Variants in BICD1 observed in about 807,000 individuals in gnomAD.
BICD1 encodes BICD cargo adaptor 1.
A neutral mutation model predicts 92.5 loss-of-function variants in BICD1; 35 were observed. The observed-to-expected ratio is 0.38, with a 90% CI of 0.29 to 0.50. The LOEUF is 0.50. Among genes scored for constraint, BICD1 ranks in the 20% least tolerant of loss-of-function variants. BICD1 has a pLI of 0.93. For missense variants in BICD1, 950 were observed against 1,189.8 expected (o/e 0.80, Z 2.97); for synonymous variants, 429 against 465.1 (o/e 0.92, Z 1.00).
chr12:32,226,670 T>G (rs1945706030), intron 2 of BICD1, among the ~76,000 whole-genome samples: 1 of 152,128 alleles, frequency 6.6e-6, no homozygotes, highest in African/African-American at 2.4e-5. Context: ...TCAGCGACCC[T>G]TCTCCCAGCC....
intron 2 of BICD1, among the ~76,000 whole-genome samples, chr12:32,261,628 A>C (rs967767750): frequency 1.3e-5 from 2 of 152,258 alleles, no homozygotes; most frequent in African/African-American, 4.8e-5. Flanking sequence ...TTTGAGGACC[A>C]GTGCCATTTT....
chr12:32,341,549 C>T (rs1938368078), intron 8 of BICD1, among the ~76,000 whole-genome samples: 1 of 151,324 alleles, frequency 6.6e-6, no homozygotes, highest in Admixed American at 6.6e-5. Context: ...GACAGCTTAA[C>T]ATATTGATAA....
At chr12:32,296,221 C>T (rs1375615970) in intron 3 of BICD1, among the ~76,000 whole-genome samples, 3 of 148,622 alleles carry the variant, frequency 2.0e-5, no homozygotes, top group East Asian at 4.0e-4. Flanking sequence ...AGATGCTTCT[C>T]GAATACTTTT....
intron 6 of BICD1, among the ~76,000 whole-genome samples, chr12:32,335,905 T>C (rs1938099745): frequency 1.3e-5 from 2 of 152,158 alleles, no homozygotes; most frequent in South Asian, 4.1e-4. Flanking sequence ...ATTGTGTATC[T>C]TGTATGATGC....
intron 2 of BICD1, among the ~76,000 whole-genome samples, chr12:32,236,979 A>G (rs2136072385): frequency 7.1e-6 from 1 of 140,934 alleles, no homozygotes; most frequent in Admixed American, 7.9e-5. Flanking sequence ...GGTTCACGCC[A>G]TTCTCCTGCC....
chr12:32,311,005 G>GA (rs539780120), intron 4 of BICD1, among the ~76,000 whole-genome samples: 218 of 150,066 alleles, frequency 1.5e-3, no homozygotes, highest in African/African-American at 1.9e-3. Flanking sequence ...CTGGTTCCAG[G>GA]AAAAAAAAAT....
At chr12:32,232,284 C>T (rs534718782) in intron 2 of BICD1, among the ~76,000 whole-genome samples, 25 of 150,056 alleles carry the variant, frequency 1.7e-4, no homozygotes, top group African/African-American at 4.1e-4. Flanking sequence ...GCCATTCTAA[C>T]TGGTGTGAGA....
intron 2 of BICD1, among the ~76,000 whole-genome samples, chr12:32,291,453 C>T (rs1473714870): frequency 6.6e-6 from 1 of 151,936 alleles, no homozygotes; most frequent in Non-Finnish European, 1.5e-5. Flanking sequence ...GGGAGGATCA[C>T]TTAAGCCTGG....
At position 32,223,520 on chromosome 12, in the gene BICD1, A is replaced by T. The variant is rs1204984852; in HGVS notation, c.426+7061A>T. On this transcript the variant is annotated intron_variant, in intron 2 of 9. Coordinates refer to ENST00000652176, the MANE Select transcript of BICD1 (RefSeq NM_001714.4). ...TAACAGAAAGAGACTTTGTCTCAAA[A>T]AAAAAAAAAAAAAAAAGAATCAAAG... 3.0e-3 allele frequency among the ~76,000 whole-genome samples: 444 copies of T among 148,822 alleles called. 1 individual carries two copies. Among genetic ancestry groups the T allele is most frequent in the Middle Eastern group, 7.0e-3 (2 of 284 alleles).
intron 2 of BICD1, among the ~76,000 whole-genome samples, chr12:32,276,545 G>A (rs1016041704): frequency 6.6e-6 from 1 of 152,168 alleles, no homozygotes; most frequent in Admixed American, 6.5e-5. Flanking sequence ...AGAGCACAGC[G>A]GGAGGGACAA....
chr12:32,330,336 ACAC>A (rs1168495877), intron 5 of BICD1, among the ~76,000 whole-genome samples: 1 of 150,600 alleles, frequency 6.6e-6, no homozygotes, highest in African/African-American at 2.4e-5. Context: ...AAAAAACCGA[ACAC>A]CACAAGTTCT....
At chr12:32,301,857 G>T (rs1343570170) in intron 3 of BICD1, among the ~76,000 whole-genome samples, 1 of 152,112 alleles carries the variant, frequency 6.6e-6, no homozygotes, top group Non-Finnish European at 1.5e-5. Flanking sequence ...CTGTGAAGGT[G>T]GGCCCAGTGT....
At chr12:32,156,390 A>G (rs979591158) in intron 1 of BICD1, among the ~76,000 whole-genome samples, 1 of 152,024 alleles carries the variant, frequency 6.6e-6, no homozygotes, top group Non-Finnish European at 1.5e-5. Flanking sequence ...GCTCAATTCC[A>G]GCTCCCGGGA....
At chr12:32,156,305 C>T (rs1943436229) in intron 1 of BICD1, among the ~76,000 whole-genome samples, 1 of 152,194 alleles carries the variant, frequency 6.6e-6, no homozygotes, top group Non-Finnish European at 1.5e-5. Context: ...AAACATACCT[C>T]TGTGTGTGAG....
At chr12:32,202,410 GT>G (rs1257220806) in intron 1 of BICD1, among the ~76,000 whole-genome samples, 2 of 152,026 alleles carry the variant, frequency 1.3e-5, no homozygotes, top group African/African-American at 4.8e-5. Context: ...GCTTTTTGGT[GT>G]TATCTATATT....
intron 4 of BICD1, among the ~76,000 whole-genome samples, chr12:32,312,484 C>T (rs985804144): frequency 6.6e-6 from 1 of 152,178 alleles, no homozygotes; most frequent in South Asian, 2.1e-4. Context: ...CATCAGGTTT[C>T]GAGATGCCAA....
At chr12:32,217,361 A>G (rs1945390685) in intron 2 of BICD1, among the ~76,000 whole-genome samples, 1 of 152,254 alleles carries the variant, frequency 6.6e-6, no homozygotes, top group Non-Finnish European at 1.5e-5. Flanking sequence ...ATTGTAAAGT[A>G]TAAGACAAGC....
rs1470550056 is a variant in BICD1, at chr12:32,166,133, TATTTA to T, written c.214-50113_214-50109del. Among the ~76,000 whole-genome samples, 86 of 31,894 alleles carry T rather than the reference TATTTA, an allele frequency of 2.7e-3. 1 individual carries two copies. Among genetic ancestry groups the T allele is most frequent in the Middle Eastern group, 0.05 (1 of 20 alleles). The allele number at this position is 31,894 out of a possible 152,430, so 20.9% of individuals were successfully genotyped here. A position where few individuals can be genotyped will look rare whatever the true frequency, so the allele number is the denominator to read the frequency against. ...TTATTTATTTATTTATTTATTTATT[TATTTA>T]TTTATTTATTTTTTGGAGCCAGCGT... On this transcript the variant is annotated intron_variant, in intron 1 of 9. Coordinates refer to ENST00000652176, the MANE Select transcript of BICD1 (RefSeq NM_001714.4).
rs116884039 is a variant in BICD1, at chr12:32,310,614, G to A, written c.1005+4492G>A. Reference sequence around the variant, plus strand: ...AGTTAATCAATTATTAGTGACTACCGTCTACCGAATGACTACGTGCAAGCA... The same window carrying A: ...AGTTAATCAATTATTAGTGACTACCATCTACCGAATGACTACGTGCAAGCA... On this transcript the variant is annotated intron_variant, in intron 4 of 9. Coordinates refer to ENST00000652176, the MANE Select transcript of BICD1 (RefSeq NM_001714.4). Among the ~76,000 whole-genome samples the A allele has an allele frequency of 2.3e-3, 356 of 152,278 alleles. 4 individuals are homozygous for A. Among genetic ancestry groups the A allele is most frequent in the Non-Finnish European group, 3.4e-3 (233 of 68,016 alleles).
Sources: gnomAD v4.1 joint callset for allele counts (sites outside exome capture counted in the v4.1 genomes callset) on GRCh38, gnomAD v4.1.1 for gene constraint, MANE v1.5 for transcripts, NCBI Gene and HGNC (gene_info 2026-07-23, HGNC 2026-07-21) for gene names.